RBFOX3: variants seen among roughly 807,000 people sequenced by gnomAD.
RBFOX3 encodes RNA binding protein fox-1 homolog 3.
Under a neutral mutation model 48.7 loss-of-function variants are expected in RBFOX3, and 17 were observed. That is an observed-to-expected ratio of 0.35 (90% confidence interval 0.24 to 0.52). RBFOX3 has a LOEUF of 0.52. RBFOX3 is among the 20% of genes least tolerant of loss of function. RBFOX3 has a pLI of 0.94. For synonymous variants in RBFOX3, 212 were observed against 209.5 expected (o/e 1.01, Z -0.10); for missense variants, 382 against 497.5 (o/e 0.77, Z 2.21).
chr17:79,497,809 T>A (rs1251590310), intron 1 of RBFOX3, among the ~76,000 whole-genome samples: 1 of 152,178 alleles, frequency 6.6e-6, no homozygotes, highest in African/African-American at 2.4e-5. Flanking sequence ...CTGGAGCCAA[T>A]GGCCACCCCA....
chr17:79,355,934 T>C (rs2084901114), intron 2 of RBFOX3, among the ~76,000 whole-genome samples: 1 of 152,234 alleles, frequency 6.6e-6, no homozygotes, highest in South Asian at 2.1e-4. Flanking sequence ...ATTCCAGCTC[T>C]GCTAAATGTT....
At chr17:79,115,842 A>G in intron 4 of RBFOX3, 94 bp from the exon 5 acceptor site, 1 of 552,584 alleles carries the variant, frequency 1.8e-6, no homozygotes, top group Non-Finnish European at 3.2e-6. Flanking sequence ...GAGCTTCTCC[A>G]GCAGTATTTT....
Position 79,097,439 on chromosome 17 carries a change from G to C in RBFOX3, c.623-15C>G. The C allele has an allele frequency of 6.5e-7, 1 of 1,537,422 alleles. No homozygotes were observed. The highest frequency in any genetic ancestry group is 8.8e-7 in the Non-Finnish European group (1 of 1,139,482). ...GAACCCCGTCACTGCAGGAAACGGG[G>C]CCCGAGACACGTGTGAGAGGCACAA... On this transcript the variant is annotated splice_polypyrimidine_tract_variant and intron_variant, in intron 10 of 14. Transcript: ENST00000693108.
At chr17:79,265,170 A>G (rs2066485374) in intron 3 of RBFOX3, among the ~76,000 whole-genome samples, 1 of 152,242 alleles carries the variant, frequency 6.6e-6, no homozygotes, top group South Asian at 2.1e-4. Context: ...ACAGTTCCAA[A>G]GAACAAAACC....
At chr17:79,148,920 A>G (rs1433725659) in intron 4 of RBFOX3, among the ~76,000 whole-genome samples, 1 of 152,140 alleles carries the variant, frequency 6.6e-6, no homozygotes, top group Non-Finnish European at 1.5e-5. Context: ...TGGGGGATGG[A>G]GGGGGACAGC....
At chr17:79,096,941 CTTT>C (rs1257574030) in intron 11 of RBFOX3, 108 bp from the exon 12 acceptor site, 3 of 605,732 alleles carry the variant, frequency 5.0e-6, no homozygotes, top group Non-Finnish European at 8.8e-6. Flanking sequence ...CCCCCCACCC[CTTT>C]AGTGATGGAG....
intron 2 of RBFOX3, among the ~76,000 whole-genome samples, chr17:79,344,326 T>C (rs1463594695): frequency 3.3e-5 from 5 of 152,176 alleles, no homozygotes; most frequent in African/African-American, 9.7e-5. Context: ...AATTCCAGAC[T>C]GCCAGTGAGT....
At chr17:79,426,965 AATTGCTAGG>A (rs2067504883) in intron 2 of RBFOX3, among the ~76,000 whole-genome samples, 1 of 152,132 alleles carries the variant, frequency 6.6e-6, no homozygotes, top group East Asian at 1.9e-4. Flanking sequence ...CGGCCTCCCA[AATTGCTAGG>A]ATTACAGGTG....
intron 2 of RBFOX3, among the ~76,000 whole-genome samples, chr17:79,441,725 G>A (rs1018186120): frequency 6.6e-5 from 10 of 152,176 alleles, no homozygotes; most frequent in Non-Finnish European, 1.3e-4. Context: ...GCAGTGCTGC[G>A]TCCTTGCCTG....
chr17:79,584,873 C>G (rs914792210), intron 1 of RBFOX3, among the ~76,000 whole-genome samples: 1 of 152,084 alleles, frequency 6.6e-6, no homozygotes, highest in Non-Finnish European at 1.5e-5. Context: ...TCACGCCATT[C>G]TCCTGCCTCA....
intron 2 of RBFOX3, among the ~76,000 whole-genome samples, chr17:79,318,918 A>G (rs890092494): frequency 6.6e-6 from 1 of 150,404 alleles, no homozygotes; most frequent in African/African-American, 2.4e-5. Context: ...GATATACCTA[A>G]TGTTAAATGA....
chr17:79,191,205 C>T lies in RBFOX3; in HGVS notation c.-34+44561G>A, dbSNP rs2703518. 7.9e-3 allele frequency among the ~76,000 whole-genome samples: 1,196 copies of T among 152,312 alleles called. 8 individuals are homozygous for T. Among genetic ancestry groups the T allele is most frequent in the Middle Eastern group, 0.014 (4 of 292 alleles). On this transcript the variant is annotated intron_variant, in intron 4 of 14. Transcript: ENST00000693108. ...CTTAACAGAGAAACCAATATCCCTTCCTCCAGCACTGGGCAAGGAGAGGCC... is the reference window on the plus strand; with the variant it reads ...CTTAACAGAGAAACCAATATCCCTTTCTCCAGCACTGGGCAAGGAGAGGCC...
At chr17:79,227,787 C>G (rs1011809319) in intron 4 of RBFOX3, among the ~76,000 whole-genome samples, 1 of 152,160 alleles carries the variant, frequency 6.6e-6, no homozygotes, top group Non-Finnish European at 1.5e-5. Context: ...AAGGTAGGCT[C>G]GGGGCCTCTG....
chr17:79,160,967 C>T (rs982206930), intron 4 of RBFOX3, among the ~76,000 whole-genome samples: 2 of 138,628 alleles, frequency 1.4e-5, no homozygotes, highest in Admixed American at 7.6e-5. Context: ...GCAACAAGAG[C>T]GAGACTCCAT....
chr17:79,514,419 C>A (rs1324012401), intron 1 of RBFOX3, among the ~76,000 whole-genome samples: 2 of 152,256 alleles, frequency 1.3e-5, no homozygotes, highest in Non-Finnish European at 2.9e-5. Context: ...CTCACACCTG[C>A]CAGGTAGGTT....
At chr17:79,373,567 C>A (rs1452297774) in intron 2 of RBFOX3, among the ~76,000 whole-genome samples, 1 of 152,088 alleles carries the variant, frequency 6.6e-6, no homozygotes, top group Admixed American at 6.5e-5. Context: ...ATTTCGCAAA[C>A]ACTCCATCTG....
chr17:79,309,940 T>A (rs2076616803), intron 2 of RBFOX3, among the ~76,000 whole-genome samples: 1 of 152,120 alleles, frequency 6.6e-6, no homozygotes, highest in Non-Finnish European at 1.5e-5. Flanking sequence ...CAGTCTCAGG[T>A]AGTTCTTTAT....
chr17:79,132,304 G>C (rs1227725869), intron 4 of RBFOX3, among the ~76,000 whole-genome samples: 1 of 152,122 alleles, frequency 6.6e-6, no homozygotes, highest in African/African-American at 2.4e-5. Context: ...GGCGTACGTA[G>C]AAGAGCACTG....
intron 4 of RBFOX3, chr17:79,235,539 G>C (rs940982224): frequency 1.3e-5 from 2 of 153,272 alleles, no homozygotes; most frequent in African/African-American, 2.4e-5. Context: ...TCCCAGTCCT[G>C]CCTTTCCCAG....
Sources: allele counts gnomAD v4.1 joint callset (sites outside exome capture counted in the v4.1 genomes callset), GRCh38; gene constraint gnomAD v4.1.1; transcripts MANE v1.5; gene names NCBI Gene and HGNC (gene_info 2026-07-23, HGNC 2026-07-21).